Variants in SF3B3 observed in about 807,000 individuals in gnomAD.
SF3B3 encodes splicing factor 3b subunit 3.
Under a neutral mutation model 139.2 loss-of-function variants are expected in SF3B3, and 33 were observed. That is an observed-to-expected ratio of 0.24 (90% CI 0.18 to 0.32). The LOEUF is 0.32. Ranked by LOEUF, SF3B3 falls within the 10% of genes least tolerant of loss-of-function variation. SF3B3 has a pLI of 1.00. For synonymous variants in SF3B3, 596 were observed against 563.6 expected, an observed-to-expected ratio of 1.06 and a Z score of -0.81; for missense variants, 818 against 1,509.4, an observed-to-expected ratio of 0.54 and a Z score of 7.59.
chr16:70,560,102 G>A (rs979785588), intron 15 of SF3B3, among the ~76,000 whole-genome samples: 2 of 152,092 alleles, frequency 1.3e-5, no homozygotes. Flanking sequence ...ATTCCTTTTA[G>A]GAACCTTGTT....
chr16:70,541,938 A>G (rs190354058), intron 9 of SF3B3, 104 bp downstream of exon 9: 401 of 1,061,272 alleles, frequency 3.8e-4, no homozygotes, highest in Middle Eastern at 2.1e-3. Flanking sequence ...GCCAGTGTGT[A>G]AAGCAGTTAG....
chr16:70,529,159 G>T lies in SF3B3; in HGVS notation c.357G>T (p.Gln119His), dbSNP rs761101151. 19 of 1,613,982 alleles carry T rather than the reference G, an allele frequency of 1.2e-5. No homozygotes were observed. Among genetic ancestry groups the T allele is most frequent in the Admixed American group, 1.7e-5 (1 of 60,006 alleles). The part of the protein sequence containing the change: ...KSGCRRIVPG[Q>H]FLAVDPKGRA... ...GATGCCGTCGCATCGTTCCTGGCCA[G>T]TTCTTAGCTGTGGATCCCAAAGGGC... Residue 119 changes from glutamine to histidine, a missense_variant, in exon 3 of 26, where the codon CAG becomes CAT. Around this residue, in one of 14 missense-constraint regions of SF3B3, gnomAD observed 144 missense variants for 259.2 expected, o/e 0.56. Transcript: ENST00000302516.
chr16:70,548,208 C>T (rs966617336), intron 10 of SF3B3, among the ~76,000 whole-genome samples, 162 bp from the exon 11 acceptor site: 2 of 152,192 alleles, frequency 1.3e-5, no homozygotes, highest in Non-Finnish European at 1.5e-5. Flanking sequence ...TAAGAACCAG[C>T]CTGTTTGGTT....
chr16:70,551,313 A>G (rs1320093149), intron 11 of SF3B3, among the ~76,000 whole-genome samples: 2 of 152,212 alleles, frequency 1.3e-5, no homozygotes, highest in Non-Finnish European at 2.9e-5. Flanking sequence ...ATTGTTTTTT[A>G]ACATGAGACT....
chr16:70,556,471 C>G, intron 14 of SF3B3, 137 bp downstream of exon 14: 1 of 878,828 alleles, frequency 1.1e-6, no homozygotes, highest in Non-Finnish European at 1.8e-6. Flanking sequence ...ATACCTGCTG[C>G]TTCTCTTGTC....
intron 11 of SF3B3, among the ~76,000 whole-genome samples, chr16:70,552,369 C>G (rs1307515747): frequency 2.6e-5 from 4 of 152,162 alleles, no homozygotes; most frequent in African/African-American, 9.7e-5. Context: ...ACAAAAATTT[C>G]CAGTACAAAA....
At chr16:70,549,537 T>C (rs971033256) in intron 11 of SF3B3, among the ~76,000 whole-genome samples, 1 of 152,258 alleles carries the variant, frequency 6.6e-6, no homozygotes, top group Non-Finnish European at 1.5e-5. Flanking sequence ...CTTGAAAGCA[T>C]TGCCTAGACT....
chr16:70,554,304 CATGTGTAT>C (rs2151788590), intron 11 of SF3B3, 134 bp from the exon 12 acceptor site: 2 of 701,088 alleles, frequency 2.9e-6, no homozygotes, highest in Non-Finnish European at 4.9e-6. Context: ...GCTCTGTGTG[CATGTGTAT>C]GTGTGTATGT....
intron 4 of SF3B3, among the ~76,000 whole-genome samples, chr16:70,531,436 C>G (rs1226148495): frequency 6.6e-6 from 1 of 152,088 alleles, no homozygotes; most frequent in East Asian, 1.9e-4. Flanking sequence ...GCCACAACGC[C>G]CAGCTAATTT....
At chr16:70,568,632 A>G (rs1597724960) in intron 22 of SF3B3, 137 bp downstream of exon 22, 1 of 677,554 alleles carries the variant, frequency 1.5e-6, no homozygotes, top group Non-Finnish European at 2.5e-6. Flanking sequence ...AGCTAACTCT[A>G]CAAGCAATCT....
rs372484088 is a variant in SF3B3, at chr16:70,539,229, C to T, written c.1067+22C>T. The stretch of plus-strand genomic sequence containing the variant: ...ACCAGTGAGTAATCCTTCTGTTACC[C>T]TAGTTCACCCTGGTTGGGATAAAAG... On this transcript the variant is annotated intron_variant, in intron 8 of 25. Coordinates refer to ENST00000302516, the MANE Select transcript of SF3B3 (RefSeq NM_012426.5). 2 of 1,519,054 alleles carry T rather than the reference C, an allele frequency of 1.3e-6. 1 individual carries two copies. The highest frequency in any genetic ancestry group is 1.8e-6 in the Non-Finnish European group (2 of 1,093,548). The allele number at this position is 1,519,054 out of a possible 1,614,324, so 94.1% of individuals were successfully genotyped here.
At chr16:70,558,777 A>G (rs571157688) in intron 15 of SF3B3, among the ~76,000 whole-genome samples, 1 of 152,006 alleles carries the variant, frequency 6.6e-6, no homozygotes, top group African/African-American at 2.4e-5. Flanking sequence ...TCTTGTTTCT[A>G]GTAGAGATGG....
In SF3B3 at chr16:70,567,555, G is replaced by C. The variant is rs1315894504; in HGVS notation, c.2952+19G>C. ...GAATAAGGTAAGTGTGCTGGCATTG[G>C]TGCTGAGATCTAGCTCATGTGTCAA... On this transcript the variant is annotated intron_variant, in intron 21 of 25. Transcript: ENST00000302516. 1.2e-6 allele frequency: 2 copies of C among 1,610,326 alleles called. No individual in the cohort carries two copies. The highest frequency in any genetic ancestry group is 1.7e-6 in the Non-Finnish European group (2 of 1,178,168).
intron 4 of SF3B3, among the ~76,000 whole-genome samples, chr16:70,531,217 G>A (rs1329647725): frequency 2.0e-5 from 3 of 152,026 alleles, no homozygotes; most frequent in South Asian, 2.1e-4. Context: ...GCAGTGAGCC[G>A]AGATCTCGCC....
At chr16:70,569,798 T>TTGTGGG (rs2050510950) in intron 23 of SF3B3, 3 of 529,624 alleles carry the variant, frequency 5.7e-6, no homozygotes, top group Non-Finnish European at 6.7e-6. Flanking sequence ...CTGGCAGATT[T>TTGTGGG]TGTGGGTATG....
intron 20 of SF3B3, among the ~76,000 whole-genome samples, chr16:70,565,982 C>T (rs552406951): frequency 3.3e-5 from 5 of 152,048 alleles, no homozygotes; most frequent in Non-Finnish European, 1.5e-5. Context: ...CCAGGCATGG[C>T]GGCACGCACC....
chr16:70,569,720 C>T (rs1225857466), intron 23 of SF3B3, among the ~76,000 whole-genome samples: 1 of 152,150 alleles, frequency 6.6e-6, no homozygotes, highest in Non-Finnish European at 1.5e-5. Flanking sequence ...GCTTCCACCT[C>T]CTGGGCTCAA....
intron 5 of SF3B3, 117 bp downstream of exon 5, chr16:70,532,737 C>CTTGT (rs10677769): frequency 0.44 from 437,860 of 996,556 alleles, 102,018 homozygotes; most frequent in South Asian, 0.64. Flanking sequence ...ACCTGAATAC[C>CTTGT]TTATCTTTTG....
chr16:70,554,483 T>C lies in SF3B3; in HGVS notation c.1440T>C (p.Asn480=), dbSNP rs753106743. ...CCTACATCATTGTGTCTTTCGTGAATGCCACCCTAGTGTTGTCCATTGGAG... is the reference window on the plus strand; with the variant it reads ...CCTACATCATTGTGTCTTTCGTGAACGCCACCCTAGTGTTGTCCATTGGAG... ...FDAYIIVSFV[N]ATLVLSIGET... The change falls in exon 12 of 26, where the codon AAT becomes AAC. Residue 480 remains asparagine, a synonymous_variant. Coordinates refer to ENST00000302516, the MANE Select transcript of SF3B3 (RefSeq NM_012426.5). The C allele has an allele frequency of 1.2e-6, 2 of 1,614,250 alleles. No homozygotes were observed. Among genetic ancestry groups the C allele is most frequent in the South Asian group, 1.1e-5 (1 of 91,090 alleles).
Sources: allele counts gnomAD v4.1 joint callset (sites outside exome capture counted in the v4.1 genomes callset), GRCh38; gene constraint gnomAD v4.1.1; regional missense constraint gnomAD v4.1.1; transcripts MANE v1.5; gene names NCBI Gene and HGNC (gene_info 2026-07-23, HGNC 2026-07-21).